The following XRCC4 variants were observed in gnomAD, a reference collection of about 807,000 sequenced individuals.
XRCC4 encodes the protein DNA repair protein XRCC4.
XRCC4 carries 28 observed loss-of-function variants against 39.1 expected under a neutral mutation model. That is an observed-to-expected ratio of 0.72 (90% CI 0.53 to 0.98). The LOEUF (loss-of-function observed/expected upper bound fraction) is 0.98, where lower values mean the gene tolerates loss of function less well. XRCC4 is among the 50% of genes least tolerant of loss of function. The pLI is 0.00. For synonymous variants in XRCC4, 123 were observed against 126.4 expected (o/e 0.97, Z 0.18); for missense variants, 350 against 376.4 (o/e 0.93, Z 0.58).
intron 6 of XRCC4, among the ~76,000 whole-genome samples, chr5:83,226,106 C>T (rs1752281374): frequency 6.6e-6 from 1 of 151,998 alleles, no homozygotes; most frequent in African/African-American, 2.4e-5. Flanking sequence ...CTCGTGTGCC[C>T]ACTTAAAAGT....
chr5:83,177,732 A>G (rs2112639813), intron 3 of XRCC4, among the ~76,000 whole-genome samples: 1 of 152,304 alleles, frequency 6.6e-6, no homozygotes. Context: ...AGGGCTACAA[A>G]TGTTTCAGAA....
chr5:83,300,269 A>C (rs969697062), intron 7 of XRCC4, among the ~76,000 whole-genome samples: 2 of 152,078 alleles, frequency 1.3e-5, no homozygotes, highest in African/African-American at 4.8e-5. Flanking sequence ...GTGCTTCCCA[A>C]GTCTGTAAAA....
intron 7 of XRCC4, among the ~76,000 whole-genome samples, chr5:83,321,485 T>C (rs1329799122): frequency 1.3e-5 from 2 of 152,170 alleles, no homozygotes; most frequent in Admixed American, 6.6e-5. Flanking sequence ...TGTATAAATA[T>C]AGAAAATCTC....
chr5:83,280,359 C>A, intron 7 of XRCC4: 2 of 489,710 alleles, frequency 4.1e-6, no homozygotes, highest in African/African-American at 2.0e-5. Context: ...CATGCATTTC[C>A]TTCATGTTTC....
chr5:83,086,151 C>G (rs1350436303), intron 1 of XRCC4, among the ~76,000 whole-genome samples: 1 of 152,136 alleles, frequency 6.6e-6, no homozygotes, highest in Non-Finnish European at 1.5e-5. Context: ...TTAACCAGTT[C>G]ATAATATTGT....
chr5:83,176,899 G>A (rs1749984104), intron 3 of XRCC4, among the ~76,000 whole-genome samples: 1 of 152,092 alleles, frequency 6.6e-6, no homozygotes, highest in Non-Finnish European at 1.5e-5. Flanking sequence ...TAGGATTACA[G>A]ACATCAGCCA....
At chr5:83,323,464 A>T (rs73138296) in intron 7 of XRCC4, among the ~76,000 whole-genome samples, 1 of 152,134 alleles carries the variant, frequency 6.6e-6, no homozygotes, top group African/African-American at 2.4e-5. Flanking sequence ...AACCATATCA[A>T]CAGTACCATA....
intron 6 of XRCC4, among the ~76,000 whole-genome samples, chr5:83,210,753 A>G (rs1751612302): frequency 6.6e-6 from 1 of 152,210 alleles, no homozygotes; most frequent in Admixed American, 6.5e-5. Context: ...GTAAGACTTC[A>G]TGGTAGGTAG....
At chr5:83,125,161 C>T (rs558812574) in intron 3 of XRCC4, among the ~76,000 whole-genome samples, 14 of 152,044 alleles carry the variant, frequency 9.2e-5, no homozygotes, top group Middle Eastern at 3.4e-3. Flanking sequence ...AATCTTTTAC[C>T]CCTTTTTGAT....
At chr5:83,272,496 G>A (rs1754177621) in intron 7 of XRCC4, among the ~76,000 whole-genome samples, 1 of 152,048 alleles carries the variant, frequency 6.6e-6, no homozygotes, top group Non-Finnish European at 1.5e-5. Flanking sequence ...GTGCCATGGT[G>A]GTTTGTCACA....
chr5:83,323,294 A>AT (rs1166797280), intron 7 of XRCC4, among the ~76,000 whole-genome samples: 1 of 152,164 alleles, frequency 6.6e-6, no homozygotes, highest in Non-Finnish European at 1.5e-5. Context: ...GATTACTCAT[A>AT]TTTATCAAAA....
chr5:83,214,515 A>G (rs916294517), intron 6 of XRCC4, among the ~76,000 whole-genome samples: 3 of 152,134 alleles, frequency 2.0e-5, no homozygotes, highest in African/African-American at 4.8e-5. Flanking sequence ...CCTGGGCAAC[A>G]TAGTTGAGAC....
At chr5:83,178,887 A>G (rs1436303981) in intron 3 of XRCC4, among the ~76,000 whole-genome samples, 6 of 152,068 alleles carry the variant, frequency 3.9e-5, no homozygotes. Flanking sequence ...CAGTGACTCC[A>G]ATGTGTAACA....
chr5:83,310,674 A>T (rs1755675987), intron 7 of XRCC4: 1 of 409,768 alleles, frequency 2.4e-6, no homozygotes, highest in Admixed American at 2.7e-5. Flanking sequence ...TGTGAATGTT[A>T]GCTTTTACGG....
chr5:83,153,929 T>G (rs1748836694), intron 3 of XRCC4, among the ~76,000 whole-genome samples: 2 of 152,202 alleles, frequency 1.3e-5, no homozygotes, highest in South Asian at 4.1e-4. Flanking sequence ...GTATATGTAT[T>G]TTTACAACTT....
At chr5:83,303,634 A>G (rs937079575) in intron 7 of XRCC4, among the ~76,000 whole-genome samples, 3 of 152,202 alleles carry the variant, frequency 2.0e-5, no homozygotes, top group African/African-American at 4.8e-5. Flanking sequence ...ATTTAATTTC[A>G]TGCCTCTATA....
At position 83,265,231 on chromosome 5, in the gene XRCC4, ACC is replaced by A. The variant is rs1252704662; in HGVS notation, c.893+6555_893+6556del. 2.4e-3 allele frequency among the ~76,000 whole-genome samples: 370 copies of A among 152,280 alleles called. 1 individual carries two copies. Among genetic ancestry groups the A allele is most frequent in the African/African-American group, 8.6e-3 (356 of 41,570 alleles). Reference sequence around the variant, plus strand: ...TATCCAATTTTTGTAGATTTTTGGTACCTGAACTATAGACTTTTTAAATGTCA... The same window carrying A: ...TATCCAATTTTTGTAGATTTTTGGTATGAACTATAGACTTTTTAAATGTCA... On this transcript the variant is annotated intron_variant, in intron 7 of 7. Coordinates refer to ENST00000396027, the MANE Select transcript of XRCC4 (RefSeq NM_003401.5).
chr5:83,232,987 T>C (rs374543828), intron 6 of XRCC4, among the ~76,000 whole-genome samples: 3 of 152,314 alleles, frequency 2.0e-5, no homozygotes, highest in African/African-American at 7.2e-5. Context: ...CCATGCTATT[T>C]AATTACCCAC....
chr5:83,112,032 T>A (rs1055717299), intron 3 of XRCC4, among the ~76,000 whole-genome samples: 7 of 152,212 alleles, frequency 4.6e-5, no homozygotes, highest in African/African-American at 1.7e-4. Context: ...TTAAAGAGAT[T>A]TCATTAATTA....
Sources: gnomAD v4.1 joint callset for allele counts (sites outside exome capture counted in the v4.1 genomes callset) on GRCh38, gnomAD v4.1.1 for gene constraint, MANE v1.5 for transcripts, NCBI Gene and HGNC (gene_info 2026-07-23, HGNC 2026-07-21) for gene names.